Variants in TKFC observed in about 807,000 individuals in gnomAD.
TKFC encodes triokinase/FMN cyclase.
In TKFC, 46 loss-of-function variants were observed where a neutral mutation model predicts 61.0. That is an observed-to-expected ratio of 0.75 (90% CI 0.60 to 0.96). The LOEUF is 0.96. Among genes scored for constraint, TKFC ranks in the 50% least tolerant of loss-of-function variants. The pLI is 0.00. For missense variants in TKFC, 715 were observed against 777.5 expected (o/e 0.92, Z 0.96); for synonymous variants, 314 against 330.1 (o/e 0.95, Z 0.53).
chr11:61,341,879 G>A lies in TKFC; in HGVS notation c.622G>A (p.Glu208Lys), dbSNP rs759151407. The A allele has an allele frequency of 9.3e-6, 15 of 1,613,814 alleles. No homozygotes were observed. The highest frequency in any genetic ancestry group is 2.7e-5 in the African/African-American group (2 of 74,988). Residue 208 changes from glutamate (E) to lysine (K), a missense_variant, in exon 7 of 18, where the codon GAG (glutamate) becomes AAG (lysine). Coordinates refer to ENST00000394900, the MANE Select transcript of TKFC (RefSeq NM_015533.4). Reference sequence around the variant, plus strand: ...CGTCCCTGGTTCCAAACCCACCTTCGAGCTCTCAGCCGACGAGGTGGAGCT... The same window carrying A: ...CGTCCCTGGTTCCAAACCCACCTTCAAGCTCTCAGCCGACGAGGTGGAGCT... ...CSVPGSKPTF[E>K]LSADEVELGL...
rs990720789 is a variant in TKFC at position 61,343,381 on chromosome 11, C to T, written c.905C>T (p.Thr302Ile). The T allele has an allele frequency of 6.2e-7, 1 of 1,614,052 alleles. No homozygotes were observed. The highest frequency in any genetic ancestry group is 1.3e-5 in the African/African-American group (1 of 74,924). Residue 302 changes from threonine to isoleucine, a missense_variant, in exon 11 of 18, where the codon ACC becomes ATC. Transcript: ENST00000394900. Reference sequence around the variant, plus strand: ...AAGATTGCCCGTGCCCTGGTGGGCACCTTCATGTCAGCACTGGAGATGCCT... The same window carrying T: ...AAGATTGCCCGTGCCCTGGTGGGCATCTTCATGTCAGCACTGGAGATGCCT... Reference protein sequence around the residue: ...GVKIARALVGTFMSALEMPGI... With the variant: ...GVKIARALVGIFMSALEMPGI...
rs747818339 is a variant in TKFC at position 61,339,091 on chromosome 11, T to C, written c.219T>C (p.Thr73=). The C allele has an allele frequency of 6.2e-7, 1 of 1,613,518 alleles. No homozygotes were observed. The highest frequency in any genetic ancestry group is 8.5e-7 in the Non-Finnish European group (1 of 1,179,912). Reference sequence around the variant, plus strand: ...GTTTCATAGGGAAGGGGATGCTGACTGGGGTCATCGCGGGAGCTGTGTTCA... The same window carrying C: ...GTTTCATAGGGAAGGGGATGCTGACCGGGGTCATCGCGGGAGCTGTGTTCA... ...HAGFIGKGML[T]GVIAGAVFTS... Residue 73 remains threonine, a synonymous_variant, in exon 4 of 18, where the codon ACT becomes ACC. Coordinates refer to ENST00000394900, the MANE Select transcript of TKFC (RefSeq NM_015533.4).
At chr11:61,337,488 C>G (rs907289569) in intron 2 of TKFC, among the ~76,000 whole-genome samples, 1 of 152,148 alleles carries the variant, frequency 6.6e-6, no homozygotes, top group Non-Finnish European at 1.5e-5. Flanking sequence ...CCTGGCATAC[C>G]AAGAGGCTGG....
intron 2 of TKFC, 53 bp from the exon 3 acceptor site, chr11:61,337,888 G>C: frequency 6.7e-7 from 1 of 1,493,134 alleles, no homozygotes; most frequent in South Asian, 1.3e-5. Context: ...TGCGCAGGAT[G>C]GGGGTATCTG....
At chr11:61,336,670 AC>A (rs1856618737) in intron 2 of TKFC, among the ~76,000 whole-genome samples, 1 of 152,058 alleles carries the variant, frequency 6.6e-6, no homozygotes, top group Non-Finnish European at 1.5e-5. Flanking sequence ...TGGGATTTGA[AC>A]CCAAGTCCCT....
In TKFC at chr11:61,345,594, G is replaced by T. The variant is rs761596578; in HGVS notation, c.1451+29G>T. On this transcript the variant is annotated intron_variant, in intron 15 of 17. Transcript: ENST00000394900. Reference sequence around the variant, plus strand: ...AGCCAGAGCCCTGTGCATCAGACCAGGGGTGGGCTGGGGGAGGTGTTTGGT... The same window carrying T: ...AGCCAGAGCCCTGTGCATCAGACCATGGGTGGGCTGGGGGAGGTGTTTGGT... 4 of 1,612,068 alleles carry T rather than the reference G, an allele frequency of 2.5e-6. No homozygotes were observed. In the East Asian group the frequency reaches 6.7e-5, roughly 27 times the overall value.
At chr11:61,342,152 C>T (rs1263857257) in intron 7 of TKFC, among the ~76,000 whole-genome samples, 1 of 152,212 alleles carries the variant, frequency 6.6e-6, no homozygotes, top group Non-Finnish European at 1.5e-5. Context: ...CTTTGCCTGC[C>T]ATTCCCAGGT....
rs572033625 is a variant in TKFC, at chr11:61,343,987, T to C, written c.1102+12T>C. On this transcript the variant is annotated intron_variant, in intron 12 of 17. Coordinates refer to ENST00000394900, the MANE Select transcript of TKFC (RefSeq NM_015533.4). ...CACTGCTGCAGGAGGTACCAACCCC[T>C]GCCTTTGGGGAAGGGACAGGCTTCC... is the stretch of plus-strand genomic sequence containing the variant. 5 of 1,609,904 alleles carry C rather than the reference T, an allele frequency of 3.1e-6. No homozygotes were observed. The highest frequency in any genetic ancestry group is 2.2e-5 in the East Asian group (1 of 44,856).
chr11:61,344,233 T>C lies in TKFC; in HGVS notation c.1200T>C (p.Gly400=). The change falls in exon 13 of 18, where the codon GGT becomes GGC. Residue 400 remains glycine, a synonymous_variant. Coordinates refer to ENST00000394900, the MANE Select transcript of TKFC (RefSeq NM_015533.4). ...TGAATGCCCTGGACCGGGCTGCTGGTGACGGCGACTGTGGCACCACCCACA... is the reference window on the plus strand; with the variant it reads ...TGAATGCCCTGGACCGGGCTGCTGGCGACGGCGACTGTGGCACCACCCACA... ...EHLNALDRAA[G]DGDCGTTHSR... is the part of the protein sequence containing the mutation. The C allele has an allele frequency of 1.9e-6, 3 of 1,612,786 alleles. No individual in the cohort carries two copies. The highest frequency in any genetic ancestry group is 2.5e-6 in the Non-Finnish European group (3 of 1,180,018).
Position 61,342,945 on chromosome 11 carries a change from G to C in TKFC, c.865+101G>C, listed in dbSNP as rs1459995249. ...CACGGACTGTGCGTCAGATAAGCCT[G>C]AGTTAAATCGTCTCTCTGCCACCTA... On this transcript the variant is annotated intron_variant, in intron 10 of 17. Coordinates refer to ENST00000394900, the MANE Select transcript of TKFC (RefSeq NM_015533.4). 4 of 1,211,644 alleles carry C rather than the reference G, an allele frequency of 3.3e-6. No homozygotes were observed. In the East Asian group the frequency reaches 7.4e-5, roughly 22 times the overall value. The allele number at this position is 1,211,644 out of a possible 1,614,324, so 75.1% of individuals were successfully genotyped here. A position where few individuals can be genotyped will look rare whatever the true frequency, so the allele number is the denominator to read the frequency against.
At position 61,347,740 on chromosome 11, in the gene TKFC, T is replaced by G. The variant is rs149229513; in HGVS notation, c.*1237T>G. 2.0e-6 allele frequency: 2 copies of G among 984,946 alleles called. No homozygotes were observed. Among genetic ancestry groups the G allele is most frequent in the East Asian group, 2.3e-4 (2 of 8,818 alleles). The allele number at this position is 984,946 out of a possible 1,614,324, so 61.0% of individuals were successfully genotyped here. On this transcript the variant is annotated 3_prime_UTR_variant, in exon 18 of 18. Coordinates refer to ENST00000394900, the MANE Select transcript of TKFC (RefSeq NM_015533.4). ...ATACACATGATCTGAAATCTGATTC[T>G]GCTTTAACCCGGCTACAGGAGCTAA...
At chr11:61,349,315 A>G (rs1171282343), downstream of TKFC, 2 of 516,456 alleles carry the variant, frequency 3.9e-6, no homozygotes, top group Non-Finnish European at 7.1e-6. Flanking sequence ...ACCCCTCTGA[A>G]GGTGGCAGTG....
intron 2 of TKFC, among the ~76,000 whole-genome samples, chr11:61,335,046 G>A (rs1363712047): frequency 2.0e-5 from 3 of 152,084 alleles, no homozygotes; most frequent in Non-Finnish European, 2.9e-5. Context: ...ACATTGTACC[G>A]GTCACAGAAG....
In TKFC at chr11:61,336,176, A is replaced by G. The variant is rs752122; in HGVS notation, c.3+1445A>G. The stretch of plus-strand genomic sequence containing the variant: ...AGTCACTGCTCAGCAAATGGAACCA[A>G]TCTTATTGTTCTTCTTGCTCCCTAC... On this transcript the variant is annotated intron_variant, in intron 2 of 17. Transcript: ENST00000394900. 6.6e-3 allele frequency: 1,022 copies of G among 154,552 alleles called. 13 individuals are homozygous for G. The highest frequency in any genetic ancestry group is 0.024 in the African/African-American group (987 of 41,632). The allele number at this position is 154,552 out of a possible 1,614,324, so 9.6% of individuals were successfully genotyped here. A position where few individuals can be genotyped will look rare whatever the true frequency, so the allele number is the denominator to read the frequency against.
At position 61,344,172 on chromosome 11, in the gene TKFC, G is replaced by C. The variant is rs568018156; in HGVS notation, c.1139G>C (p.Arg380Pro). 10 of 1,612,378 alleles carry C rather than the reference G, an allele frequency of 6.2e-6. No individual in the cohort carries two copies. The highest frequency in any genetic ancestry group is 6.8e-6 in the Non-Finnish European group (8 of 1,179,986). The change falls in exon 13 of 18, where the codon CGG becomes CCG. Residue 380 changes from arginine to proline, a missense_variant. Coordinates refer to ENST00000394900, the MANE Select transcript of TKFC (RefSeq NM_015533.4). ...ASKRMALVLE[R>P]VCSTLLGLEE... is the part of the protein sequence containing the mutation. ...AAGCGGATGGCGCTGGTGCTGGAAC[G>C]GGTGTGCAGCACTCTCCTGGGCCTG...
At chr11:61,349,751 C>T, downstream of TKFC, 1 of 665,656 alleles carries the variant, frequency 1.5e-6, no homozygotes, top group Non-Finnish European at 2.8e-6. Flanking sequence ...GCGTGGGCCG[C>T]CACTCCCCCT....
At chr11:61,335,887 C>G (rs1856586135) in intron 2 of TKFC, 1 of 152,188 alleles carries the variant, frequency 6.6e-6, no homozygotes, top group Non-Finnish European at 1.5e-5. Flanking sequence ...CTCCGCCTCC[C>G]AGGTTCAAGC....
Position 61,347,862 on chromosome 11 carries a change from T to G in TKFC, c.*1359T>G. The G allele has an allele frequency of 2.0e-6, 2 of 984,274 alleles. No homozygotes were observed. The highest frequency in any genetic ancestry group is 2.4e-6 in the Non-Finnish European group (2 of 828,902). 61.0% of individuals were successfully genotyped at this position (984,274 alleles called of 1,614,324 possible). A position where few individuals can be genotyped will look rare whatever the true frequency, so the allele number is the denominator to read the frequency against. On this transcript the variant is annotated 3_prime_UTR_variant, in exon 18 of 18. Transcript: ENST00000394900. ...CAAATGAATTGATGAAGATGGGCCA[T>G]AAAGCCCAGCACAGTCCAAGTGCTC...
downstream of TKFC, chr11:61,351,128 A>G: frequency 1.2e-6 from 2 of 1,613,104 alleles, no homozygotes; most frequent in Non-Finnish European, 1.7e-6. Context: ...AGGCTGTGGT[A>G]TGGCCTGGTG....
Sources: gnomAD v4.1 joint callset for allele counts (sites outside exome capture counted in the v4.1 genomes callset) on GRCh38, gnomAD v4.1.1 for gene constraint, MANE v1.5 for transcripts, NCBI Gene and HGNC (gene_info 2026-07-23, HGNC 2026-07-21) for gene names.